The following FANCD2 variants were observed in gnomAD, a reference collection of about 807,000 sequenced individuals.
The protein encoded by FANCD2 is FA complementation group D2, also known as Fanconi anemia group D2 protein.
In FANCD2, 131 loss-of-function variants were observed where a neutral mutation model predicts 192.3. The ratio of observed to expected loss-of-function variants is 0.68; its 90% CI spans 0.59 to 0.79. FANCD2 has a LOEUF of 0.79. FANCD2 is among the 30% of genes least tolerant of loss of function. The pLI is 0.00. For missense variants in FANCD2, 1,508 were observed against 1,701.6 expected (o/e 0.89, Z 2.00); for synonymous variants, 524 against 612.5 (o/e 0.86, Z 2.13).
intron 37 of FANCD2, among the ~76,000 whole-genome samples, chr3:10,091,828 C>T (rs1460111165): frequency 1.3e-4 from 20 of 152,304 alleles, no homozygotes; most frequent in Admixed American, 1.2e-3. Flanking sequence ...GGTGCAGTGG[C>T]GCACGTCTGT....
chr3:10,050,578 A>C (rs537367843), intron 17 of FANCD2, among the ~76,000 whole-genome samples: 15 of 148,142 alleles, frequency 1.0e-4, no homozygotes, highest in South Asian at 2.2e-4. Context: ...AGCCAAGATA[A>C]CACCACTGCA....
chr3:10,052,481 C>A lies in FANCD2; in HGVS notation c.1640C>A (p.Ala547Asp), dbSNP rs986940785. The change falls in exon 18 of 44, where the codon GCC (alanine) becomes GAC (aspartate). Residue 547 changes from alanine (A) to aspartate (D), a missense_variant. Physicochemically the swap from Ala to Asp is moderately radical, Grantham distance 126 (BLOSUM62 -2). This residue lies in a region of FANCD2 where 110 missense variants were observed against 114.4 expected (regional missense o/e 0.96). Coordinates refer to ENST00000675286, the MANE Select transcript of FANCD2 (RefSeq NM_001018115.3). Reference sequence around the variant, plus strand: ...CTGGCATTTAGCAAACAGAATGAAGCCAGCAGCCACATCCAGGTAAGAGGC... The same window carrying A: ...CTGGCATTTAGCAAACAGAATGAAGACAGCAGCCACATCCAGGTAAGAGGC... Reference protein sequence around the residue: ...STLAFSKQNEASSHIQDDMHL... With the variant: ...STLAFSKQNEDSSHIQDDMHL... The A allele has an allele frequency of 6.2e-7, 1 of 1,610,818 alleles. No homozygotes were observed. Among genetic ancestry groups the A allele is most frequent in the South Asian group, 1.1e-5 (1 of 90,966 alleles).
intron 26 of FANCD2, among the ~76,000 whole-genome samples, chr3:10,071,092 C>T (rs1693213168): frequency 6.9e-6 from 1 of 145,170 alleles, no homozygotes; most frequent in African/African-American, 2.6e-5. Flanking sequence ...CCTGCCAAAT[C>T]CCCCTCTGCG....
chr3:10,050,060 A>G (rs528350503), intron 17 of FANCD2, among the ~76,000 whole-genome samples: 2 of 152,352 alleles, frequency 1.3e-5, no homozygotes, highest in South Asian at 2.1e-4. Context: ...GGACAGGCCC[A>G]TGTTGCAAAG....
intron 1 of FANCD2, among the ~76,000 whole-genome samples, chr3:10,028,127 AACTAG>A (rs2124960092): frequency 1.3e-5 from 2 of 152,104 alleles, no homozygotes; most frequent in South Asian, 4.2e-4. Flanking sequence ...CCTTACTAGC[AACTAG>A]ACTAAATTTC....
chr3:10,073,694 A>C (rs1213216834), intron 28 of FANCD2, among the ~76,000 whole-genome samples: 1 of 152,142 alleles, frequency 6.6e-6, no homozygotes, highest in Non-Finnish European at 1.5e-5. Flanking sequence ...TCGTAGAATG[A>C]GTTTCATGTG....
At chr3:10,095,371 A>G in intron 41 of FANCD2, 97 bp downstream of exon 41, 1 of 987,566 alleles carries the variant, frequency 1.0e-6, no homozygotes, top group African/African-American at 1.6e-5. Flanking sequence ...CTTCCTTTAT[A>G]TCTGGGACTG....
chr3:10,101,810 T>C lies in FANCD2; in HGVS notation c.*548T>C, dbSNP rs1368883657. ...TTGGTTTGGATAAACCCAGCTGTGC[T>C]ACACTGCAGAGTAAAATCTCTGAGT... is the stretch of plus-strand genomic sequence containing the variant. On this transcript the variant is annotated 3_prime_UTR_variant, in exon 44 of 44. Coordinates refer to ENST00000675286, the MANE Select transcript of FANCD2 (RefSeq NM_001018115.3). 3 of 196,200 alleles carry C rather than the reference T, an allele frequency of 1.5e-5. No homozygotes were observed. Among genetic ancestry groups the C allele is most frequent in the Non-Finnish European group, 3.2e-5 (3 of 94,294 alleles). 12.2% of individuals were successfully genotyped at this position (196,200 alleles called of 1,614,324 possible). A position where few individuals can be genotyped will look rare whatever the true frequency, so the allele number is the denominator to read the frequency against.
At chr3:10,039,249 G>A (rs766822617) in intron 7 of FANCD2, 30 bp from the exon 8 acceptor site, 7 of 1,548,266 alleles carry the variant, frequency 4.5e-6, no homozygotes, top group Non-Finnish European at 6.2e-6. Flanking sequence ...GAAAGGCTCA[G>A]TTCCCTGTTT....
chr3:10,051,176 C>G (rs1377749840), intron 17 of FANCD2, among the ~76,000 whole-genome samples: 4 of 150,500 alleles, frequency 2.7e-5, no homozygotes, highest in Admixed American at 6.6e-5. Context: ...GTCAGGAGAT[C>G]GAGACCATCC....
At chr3:10,076,570 T>C (rs538561093) in intron 29 of FANCD2, among the ~76,000 whole-genome samples, 1 of 152,126 alleles carries the variant, frequency 6.6e-6, no homozygotes, top group South Asian at 2.1e-4. Context: ...AGAGACAGAG[T>C]CTTGCTCTGT....
In FANCD2 at chr3:10,094,143, A is replaced by AAT. The variant is rs1694813967; in HGVS notation, c.3889-144_3889-143dup. The AAT allele has an allele frequency of 2.6e-5, 18 of 681,100 alleles. No homozygotes were observed. In the South Asian group the frequency reaches 3.0e-4, roughly 11 times the overall value. The allele number at this position is 681,100 out of a possible 1,614,324, so 42.2% of individuals were successfully genotyped here. A position where few individuals can be genotyped will look rare whatever the true frequency, so the allele number is the denominator to read the frequency against. On this transcript the variant is annotated intron_variant, in intron 39 of 43. Transcript: ENST00000675286. ...TTTTTGTATTAAGTTACATTCTCCA[A>AAT]ATAAACCTTTTGGACCCTTCCCAAT...
At chr3:10,071,387 A>C (rs4019708) in intron 26 of FANCD2, among the ~76,000 whole-genome samples, 29,693 of 152,018 alleles carry the variant, frequency 0.2, 3,329 homozygotes, top group African/African-American at 0.31. Context: ...AGATATCTGC[A>C]CTCCCATGTT....
At chr3:10,070,906 T>C (rs1693202699) in intron 26 of FANCD2, among the ~76,000 whole-genome samples, 1 of 146,428 alleles carries the variant, frequency 6.8e-6, no homozygotes, top group Admixed American at 6.8e-5. Flanking sequence ...AAGATGTGCT[T>C]TGTTAAACAG....
intron 25 of FANCD2, 64 bp downstream of exon 25, chr3:10,066,043 G>T: frequency 9.6e-7 from 1 of 1,042,800 alleles, no homozygotes; most frequent in Admixed American, 1.9e-5. Context: ...TATTTTCTTA[G>T]TTCCCACAAG....
chr3:10,093,553 G>A (rs1230301322), intron 39 of FANCD2, among the ~76,000 whole-genome samples: 1 of 152,210 alleles, frequency 6.6e-6, no homozygotes, highest in Admixed American at 6.5e-5. Context: ...AGTACTAGGA[G>A]GAATGGCTTC....
At chr3:10,060,182 AC>A in intron 18 of FANCD2, 111 bp from the exon 19 acceptor site, 10 of 729,782 alleles carry the variant, frequency 1.4e-5, no homozygotes, top group East Asian at 2.7e-5. Context: ...AAAAAAAAAA[AC>A]AGTTAGTAAA....
intron 18 of FANCD2, among the ~76,000 whole-genome samples, chr3:10,054,352 C>A (rs1300952410): frequency 9.6e-6 from 1 of 103,836 alleles, no homozygotes; most frequent in African/African-American, 4.9e-5. Flanking sequence ...TATATATATA[C>A]GTATATATAT....
intron 43 of FANCD2, among the ~76,000 whole-genome samples, chr3:10,100,592 G>C (rs1695243749): frequency 6.6e-6 from 1 of 152,108 alleles, no homozygotes; most frequent in Non-Finnish European, 1.5e-5. Flanking sequence ...GGCTGGTCTC[G>C]AACTCCTAAC....
Sources: allele counts gnomAD v4.1 joint callset (sites outside exome capture counted in the v4.1 genomes callset), GRCh38; gene constraint gnomAD v4.1.1; regional missense constraint gnomAD v4.1.1; transcripts MANE v1.5; gene names NCBI Gene and HGNC (gene_info 2026-07-23, HGNC 2026-07-21).